The following WFDC8 variants were observed in gnomAD, a reference collection of about 807,000 sequenced individuals.
WFDC8 encodes the protein WAP four-disulfide core domain protein 8.
WFDC8 carries 24 observed loss-of-function variants against 27.0 expected under a neutral mutation model. That is an observed-to-expected ratio of 0.89 (90% CI 0.64 to 1.25). WFDC8 has a LOEUF of 1.25. WFDC8 is among the 50% of genes most tolerant of loss of function. The pLI is 0.00. For missense variants in WFDC8, 287 were observed against 295.9 expected (o/e 0.97, Z 0.22); for synonymous variants, 106 against 99.7 (o/e 1.06, Z -0.38).
intron 1 of WFDC8, among the ~76,000 whole-genome samples, chr20:45,571,854 C>G (rs1980879112): frequency 6.6e-6 from 1 of 152,154 alleles, no homozygotes; most frequent in African/African-American, 2.4e-5. Context: ...TGTATATATA[C>G]CACTTTTTTA....
At chr20:45,557,066 C>A (rs1980286272) in intron 3 of WFDC8, among the ~76,000 whole-genome samples, 1 of 152,206 alleles carries the variant, frequency 6.6e-6, no homozygotes, top group African/African-American at 2.4e-5. Context: ...CAGCATTCGT[C>A]AACAGAAAGG....
At chr20:45,556,923 G>A (rs1325348359) in intron 3 of WFDC8, among the ~76,000 whole-genome samples, 1 of 152,138 alleles carries the variant, frequency 6.6e-6, no homozygotes, top group Non-Finnish European at 1.5e-5. Flanking sequence ...ACCAAAAAAG[G>A]TCATGGTCAC....
intron 1 of WFDC8, among the ~76,000 whole-genome samples, chr20:45,564,304 T>C (rs1221408026): frequency 1.3e-5 from 2 of 152,148 alleles, no homozygotes; most frequent in Non-Finnish European, 2.9e-5. Context: ...CTGGGCACGG[T>C]GGCTCATGTT....
intron 2 of WFDC8, 39 bp from the exon 3 acceptor site, chr20:45,559,031 A>G (rs1980373913): frequency 6.2e-7 from 1 of 1,610,434 alleles, no homozygotes; most frequent in East Asian, 2.2e-5. Context: ...TTCTTTCGGA[A>G]TTTCAGCTCT....
intron 4 of WFDC8, among the ~76,000 whole-genome samples, chr20:45,554,274 T>G (rs1347765279): frequency 6.6e-6 from 1 of 152,114 alleles, no homozygotes; most frequent in African/African-American, 2.4e-5. Flanking sequence ...GTGATCCTCT[T>G]GCCTCAGCCT....
intron 1 of WFDC8, among the ~76,000 whole-genome samples, chr20:45,563,911 T>C (rs1314027927): frequency 5.9e-5 from 9 of 152,206 alleles, no homozygotes; most frequent in African/African-American, 2.2e-4. Context: ...CACAGATTAA[T>C]AGAATTGCCA....
intron 1 of WFDC8, among the ~76,000 whole-genome samples, chr20:45,566,258 T>C (rs1980673382): frequency 6.6e-6 from 1 of 152,170 alleles, no homozygotes; most frequent in South Asian, 2.1e-4. Context: ...TCTATGACTT[T>C]ATAAAAATTG....
intron 1 of WFDC8, among the ~76,000 whole-genome samples, chr20:45,564,914 A>G (rs1980604452): frequency 1.3e-5 from 2 of 150,698 alleles, no homozygotes; most frequent in Non-Finnish European, 3.0e-5. Flanking sequence ...GAGAAAAAAG[A>G]AGAAAGAGAG....
intron 1 of WFDC8, among the ~76,000 whole-genome samples, chr20:45,566,254 A>C (rs4812915): frequency 0.38 from 58,170 of 151,950 alleles, 11,600 homozygotes; most frequent in Non-Finnish European, 0.43. Flanking sequence ...CAATTCTATG[A>C]CTTTATAAAA....
intron 1 of WFDC8, among the ~76,000 whole-genome samples, chr20:45,571,306 G>A (rs56366144): frequency 0.018 from 2,746 of 151,602 alleles, 79 homozygotes; most frequent in African/African-American, 0.057. Flanking sequence ...TTTAATTTGA[G>A]ACATACCTCT....
intron 5 of WFDC8, 127 bp from the exon 6 acceptor site, chr20:45,552,292 G>C: frequency 8.8e-7 from 1 of 1,133,096 alleles, no homozygotes; most frequent in South Asian, 1.6e-5. Flanking sequence ...TCCCCCTACA[G>C]TAACAATAGA....
At position 45,568,475 on chromosome 20, in the gene WFDC8, G is replaced by A. The variant is rs367948756; in HGVS notation, c.27-6256C>T. On this transcript the variant is annotated intron_variant, in intron 1 of 5. Transcript: ENST00000289953. ...ATGTCTTCTCCATCTGTTTCATATG[G>A]CCTTCAGCTTTCCTGAAATTGTATT... 21 of 313,246 alleles carry A rather than the reference G, an allele frequency of 6.7e-5. No homozygotes were observed. In the East Asian group the frequency reaches 1.1e-3, roughly 16 times the overall value. The allele number at this position is 313,246 out of a possible 1,614,324, so 19.4% of individuals were successfully genotyped here.
At chr20:45,571,547 A>G (rs1433890384) in intron 1 of WFDC8, among the ~76,000 whole-genome samples, 1 of 152,186 alleles carries the variant, frequency 6.6e-6, no homozygotes, top group East Asian at 1.9e-4. Context: ...TCACCATGCT[A>G]TGCAATAGAT....
intron 4 of WFDC8, 128 bp downstream of exon 4, chr20:45,555,573 C>T (rs111428505): frequency 0.034 from 36,782 of 1,072,740 alleles, 737 homozygotes; most frequent in Middle Eastern, 0.049. Flanking sequence ...CAAGACCTCC[C>T]AGCCAGTGAA....
In WFDC8 at chr20:45,555,817, C is replaced by T. The variant is rs750785099; in HGVS notation, c.329G>A (p.Arg110His). Residue 110 changes from arginine to histidine, a missense_variant, in exon 4 of 6, where the codon CGC (arginine) becomes CAC (histidine). Physicochemically the swap from Arg to His is conservative, Grantham distance 29 (BLOSUM62 0). Transcript: ENST00000289953. ...GTAATTTTTAAAGTCAAAATGCCAGCGCTGTGCCTCATGATTACAGTTTCC... is the reference window on the plus strand; with the variant it reads ...GTAATTTTTAAAGTCAAAATGCCAGTGCTGTGCCTCATGATTACAGTTTCC... ...RHGNCNHEAQ[R>H]WHFDFKNYRC... 2.1e-5 allele frequency: 34 copies of T among 1,613,860 alleles called. No individual in the cohort carries two copies. In the Admixed American group the frequency reaches 2.5e-4, roughly 12 times the overall value.
intron 1 of WFDC8, among the ~76,000 whole-genome samples, chr20:45,574,676 T>C (rs1315521628): frequency 3.3e-5 from 5 of 152,136 alleles, no homozygotes; most frequent in Non-Finnish European, 7.3e-5. Flanking sequence ...CACATCCCCA[T>C]AATCCCAGCT....
chr20:45,572,205 G>A (rs1293027929), intron 1 of WFDC8, among the ~76,000 whole-genome samples: 1 of 151,942 alleles, frequency 6.6e-6, no homozygotes, highest in African/African-American at 2.4e-5. Flanking sequence ...AGACCATCCT[G>A]GCTAACGCAG....
Position 45,562,204 on chromosome 20 carries a change from A to T in WFDC8, c.42T>A (p.His14Gln). 1 of 1,614,148 alleles carries T rather than the reference A, an allele frequency of 6.2e-7. No individual in the cohort carries two copies. Among genetic ancestry groups the T allele is most frequent in the Non-Finnish European group, 8.5e-7 (1 of 1,179,990 alleles). The stretch of plus-strand genomic sequence containing the variant: ...CATTCCTCCAGGAGAAGGTGGGGCT[A>T]TGGAGAGGAAAGTGCCTGTATGGAT... ...VRTEGGHFPL[H>Q]SPTFSWRNVA... The change falls in exon 2 of 6, where the codon CAT (histidine) becomes CAA (glutamine). Residue 14 changes from histidine to glutamine, a missense_variant. Transcript: ENST00000289953.
At chr20:45,569,643 C>A (rs1049359028) in intron 1 of WFDC8, among the ~76,000 whole-genome samples, 4 of 152,088 alleles carry the variant, frequency 2.6e-5, no homozygotes, top group South Asian at 2.1e-4. Context: ...AGTCTTTAAT[C>A]CATCTTGAGT....
Sources: gnomAD v4.1 joint callset for allele counts (sites outside exome capture counted in the v4.1 genomes callset) on GRCh38, gnomAD v4.1.1 for gene constraint, MANE v1.5 for transcripts, NCBI Gene and HGNC (gene_info 2026-07-23, HGNC 2026-07-21) for gene names.